Variants in ADGRA3 observed in about 807,000 individuals in gnomAD.
The protein encoded by ADGRA3 is G-protein coupled receptor 125.
ADGRA3 carries 56 observed loss-of-function variants against 119.8 expected under a neutral mutation model. That is an observed-to-expected ratio of 0.47 (90% CI 0.38 to 0.58). ADGRA3 has a LOEUF of 0.58. Ranked by LOEUF, ADGRA3 falls within the 20% of genes least tolerant of loss-of-function variation. ADGRA3 has a pLI of 0.00. For missense variants in ADGRA3, 1,516 were observed against 1,649.0 expected (o/e 0.92, Z 1.40); for synonymous variants, 607 against 623.8 (o/e 0.97, Z 0.40).
chr4:22,477,522 C>T (rs1394141632), intron 1 of ADGRA3: 2 of 152,152 alleles, frequency 1.3e-5, no homozygotes, highest in African/African-American at 4.8e-5. Flanking sequence ...TACACAACGA[C>T]CAAGCTCAGT....
chr4:22,433,505 A>C (rs1257452968), intron 10 of ADGRA3, among the ~76,000 whole-genome samples: 2 of 152,166 alleles, frequency 1.3e-5, no homozygotes, highest in African/African-American at 4.8e-5. Context: ...TAATGAAACC[A>C]TGTCTACTTC....
intron 12 of ADGRA3, among the ~76,000 whole-genome samples, chr4:22,419,331 G>A (rs550112851): frequency 4.0e-5 from 6 of 151,794 alleles, no homozygotes; most frequent in East Asian, 1.9e-4. Context: ...TTGTTCAAGC[G>A]CTAAAGCTTA....
At chr4:22,398,284 T>C in intron 16 of ADGRA3, 1 of 258,668 alleles carries the variant, frequency 3.9e-6, no homozygotes, top group Non-Finnish European at 6.0e-6. Flanking sequence ...TCAACAATTG[T>C]TACACACACA....
Position 22,401,517 on chromosome 4 carries a change from C to T in ADGRA3, c.2395G>A (p.Val799Met), listed in dbSNP as rs778449412. 1.2e-6 allele frequency: 2 copies of T among 1,609,356 alleles called. No homozygotes were observed. The highest frequency in any genetic ancestry group is 1.7e-5 in the Admixed American group (1 of 59,740). ...AGGAAAATATGAAAGCACAAGTTCA[C>T]AAGCATGTGCCAGCTCTTGAGGCTG... ...RISLKSWHMLVNLCFHIFLTC... is the reference protein window; with the variant it reads ...RISLKSWHMLMNLCFHIFLTC... The change falls in exon 16 of 19, where the codon GTG becomes ATG. Residue 799 changes from valine to methionine, a missense_variant. By Grantham distance (21) the Val-to-Met change is conservative (BLOSUM62 1). Coordinates refer to ENST00000334304, the MANE Select transcript of ADGRA3 (RefSeq NM_145290.4).
chr4:22,389,067 C>T (rs1713992357), intron 18 of ADGRA3, 21 bp downstream of exon 18: 2 of 1,606,952 alleles, frequency 1.2e-6, no homozygotes, highest in Non-Finnish European at 1.7e-6. Context: ...GTCAAGTACA[C>T]AGAGAATATA....
At chr4:22,515,098 T>C (rs1176662146) in intron 1 of ADGRA3, among the ~76,000 whole-genome samples, 1 of 152,248 alleles carries the variant, frequency 6.6e-6, no homozygotes, top group Non-Finnish European at 1.5e-5. Flanking sequence ...TTGCAAACTC[T>C]ACCACGTAAG....
At chr4:22,444,904 T>C (rs1012146349) in intron 6 of ADGRA3, 69 bp downstream of exon 6, 2 of 1,481,368 alleles carry the variant, frequency 1.4e-6, no homozygotes, top group African/African-American at 2.8e-5. Context: ...ATCTTACAAT[T>C]TGTCAAGAAA....
chr4:22,425,736 T>A (rs952136700), intron 10 of ADGRA3, among the ~76,000 whole-genome samples: 5 of 152,202 alleles, frequency 3.3e-5, no homozygotes, highest in Non-Finnish European at 7.3e-5. Context: ...TTGTATCCAA[T>A]ACACTTCACA....
intron 13 of ADGRA3, 62 bp from the exon 14 acceptor site, chr4:22,413,452 A>G (rs1028447031): frequency 5.4e-6 from 8 of 1,471,034 alleles, no homozygotes; most frequent in African/African-American, 4.2e-5. Context: ...TATAAATGTC[A>G]ACTTCTACAG....
At chr4:22,500,835 A>G (rs1719024237) in intron 1 of ADGRA3, among the ~76,000 whole-genome samples, 1 of 152,206 alleles carries the variant, frequency 6.6e-6, no homozygotes, top group South Asian at 2.1e-4. Context: ...GGGGAAGACC[A>G]AAGTAGACTG....
intron 17 of ADGRA3, among the ~76,000 whole-genome samples, chr4:22,389,427 G>A (rs1226817612): frequency 2.6e-5 from 4 of 151,634 alleles, no homozygotes; most frequent in Admixed American, 1.3e-4. Flanking sequence ...AAAGCTGATC[G>A]GCTTCTGCCA....
At chr4:22,438,505 A>T in intron 7 of ADGRA3, 85 bp from the exon 8 acceptor site, 1 of 1,094,404 alleles carries the variant, frequency 9.1e-7, no homozygotes, top group South Asian at 1.7e-5. Flanking sequence ...TTAATTTAGC[A>T]AATATTTTTG....
intron 1 of ADGRA3, among the ~76,000 whole-genome samples, chr4:22,484,924 C>T (rs1718383464): frequency 6.6e-6 from 1 of 152,058 alleles, no homozygotes; most frequent in Non-Finnish European, 1.5e-5. Context: ...CTCTTAGTTC[C>T]AACCTTCACA....
chr4:22,485,282 T>A (rs1404682366), intron 1 of ADGRA3, among the ~76,000 whole-genome samples: 1 of 147,656 alleles, frequency 6.8e-6, no homozygotes. Context: ...CTCGAACTCC[T>A]GGCCTCAAGT....
chr4:22,492,309 G>C (rs937972654), intron 1 of ADGRA3, among the ~76,000 whole-genome samples: 3 of 152,136 alleles, frequency 2.0e-5, no homozygotes, highest in Non-Finnish European at 4.4e-5. Context: ...CTACTGCCTA[G>C]ATAAATCCAG....
intron 9 of ADGRA3, among the ~76,000 whole-genome samples, chr4:22,435,899 T>A (rs987476048): frequency 5.9e-5 from 9 of 152,148 alleles, no homozygotes; most frequent in African/African-American, 1.9e-4. Flanking sequence ...CTGCCAGTAA[T>A]GTTTTACATG....
At chr4:22,401,655 A>G in intron 15 of ADGRA3, 101 bp from the exon 16 acceptor site, 6 of 770,196 alleles carry the variant, frequency 7.8e-6, no homozygotes, top group Non-Finnish European at 1.2e-5. Flanking sequence ...TAAAAGTTAA[A>G]TATTTGATAT....
At chr4:22,513,507 A>AT (rs373030821) in intron 1 of ADGRA3, among the ~76,000 whole-genome samples, 284 of 147,574 alleles carry the variant, frequency 1.9e-3, no homozygotes, top group Middle Eastern at 7.2e-3. Flanking sequence ...CACTAAACAA[A>AT]TTTTTTTTTT....
intron 4 of ADGRA3, among the ~76,000 whole-genome samples, chr4:22,453,134 G>C (rs1717113044): frequency 6.6e-6 from 1 of 151,028 alleles, no homozygotes. Context: ...CCGGGAGGTG[G>C]AGGTTGCAGT....
Sources: allele counts gnomAD v4.1 joint callset (sites outside exome capture counted in the v4.1 genomes callset), GRCh38; gene constraint gnomAD v4.1.1; transcripts MANE v1.5; gene names NCBI Gene and HGNC (gene_info 2026-07-23, HGNC 2026-07-21).